The following CDH13 variants were observed in gnomAD, a reference collection of about 807,000 sequenced individuals.
CDH13 encodes the protein cadherin-13.
In CDH13, 24 loss-of-function variants were observed where a neutral mutation model predicts 63.8. The observed-to-expected ratio is 0.38, with a 90% confidence interval of 0.27 to 0.53. The LOEUF is 0.53. Among genes scored for constraint, CDH13 ranks in the 20% least tolerant of loss-of-function variants. CDH13 has a pLI of 0.85. For missense variants in CDH13, 1,049 were observed against 903.1 expected, an observed-to-expected ratio of 1.16 and a Z score of -2.07; for synonymous variants, 503 against 355.3, an observed-to-expected ratio of 1.42 and a Z score of -4.67.
intron 3 of CDH13, among the ~76,000 whole-genome samples, chr16:83,066,750 A>G (rs2032040656): frequency 6.6e-6 from 1 of 152,146 alleles, no homozygotes; most frequent in Non-Finnish European, 1.5e-5. Context: ...TACAAAGAAA[A>G]ATTACTGTCA....
chr16:83,306,840 CTCT>C (rs1054237224), intron 5 of CDH13, among the ~76,000 whole-genome samples: 1 of 152,152 alleles, frequency 6.6e-6, no homozygotes, highest in African/African-American at 2.4e-5. Flanking sequence ...GGAAATTAGA[CTCT>C]TCTTTGGAAA....
At chr16:83,708,760 C>T (rs1040560246) in intron 10 of CDH13, among the ~76,000 whole-genome samples, 1 of 152,212 alleles carries the variant, frequency 6.6e-6, no homozygotes, top group Non-Finnish European at 1.5e-5. Flanking sequence ...CGCGGTGGCT[C>T]ATGCCTGTAA....
At chr16:83,317,972 C>G (rs903149758) in intron 5 of CDH13, among the ~76,000 whole-genome samples, 1 of 152,162 alleles carries the variant, frequency 6.6e-6, no homozygotes, top group African/African-American at 2.4e-5. Context: ...GTGGACTGCA[C>G]TGCTTCTGCT....
chr16:83,110,150 T>G (rs1019374211), intron 3 of CDH13, among the ~76,000 whole-genome samples: 30 of 152,236 alleles, frequency 2.0e-4, no homozygotes, highest in African/African-American at 6.8e-4. Context: ...TAAGTCTCAC[T>G]AGTAGCAGAA....
chr16:83,436,268 T>G (rs1230361176), intron 6 of CDH13, among the ~76,000 whole-genome samples: 1 of 152,202 alleles, frequency 6.6e-6, no homozygotes, highest in Non-Finnish European at 1.5e-5. Context: ...CTGGGGCAAT[T>G]TCGCTACATA....
At chr16:83,142,083 G>A (rs1418449193) in intron 4 of CDH13, among the ~76,000 whole-genome samples, 4 of 151,928 alleles carry the variant, frequency 2.6e-5, no homozygotes, top group Non-Finnish European at 5.9e-5. Flanking sequence ...GGATATAACC[G>A]AAACGGGCTA....
Position 83,703,817 on chromosome 16 carries a change from G to A in CDH13, c.1538+25356G>A, listed in dbSNP as rs149096600. Reference sequence around the variant, plus strand: ...TCTACAGTTCTCTCAGGACTCAAATGCTTGCCTAGACCAACATGCCTCTGA... The same window carrying A: ...TCTACAGTTCTCTCAGGACTCAAATACTTGCCTAGACCAACATGCCTCTGA... On this transcript the variant is annotated intron_variant, in intron 10 of 13. Transcript: ENST00000567109. 1.3e-3 allele frequency among the ~76,000 whole-genome samples: 205 copies of A among 152,268 alleles called. 2 individuals carry two copies. Among genetic ancestry groups the A allele is most frequent in the Middle Eastern group, 3.4e-3 (1 of 294 alleles).
intron 1 of CDH13, among the ~76,000 whole-genome samples, chr16:82,651,357 C>T (rs752597573): frequency 1.3e-5 from 2 of 152,226 alleles, no homozygotes; most frequent in Non-Finnish European, 2.9e-5. Context: ...CATATACCAT[C>T]TTCATTGATC....
intron 2 of CDH13, among the ~76,000 whole-genome samples, chr16:82,935,543 A>G (rs187730846): frequency 6.6e-6 from 1 of 152,350 alleles, no homozygotes; most frequent in Non-Finnish European, 1.5e-5. Context: ...GTTTAAAGAA[A>G]AAAGTAAAAA....
chr16:83,656,302 G>T (rs1199991097), intron 8 of CDH13, among the ~76,000 whole-genome samples: 2 of 152,194 alleles, frequency 1.3e-5, no homozygotes, highest in Non-Finnish European at 2.9e-5. Context: ...TCTTTGCCAA[G>T]AAAAGGGAGA....
At chr16:82,919,726 G>A (rs1339230765) in intron 2 of CDH13, among the ~76,000 whole-genome samples, 1 of 152,170 alleles carries the variant, frequency 6.6e-6, no homozygotes, top group Non-Finnish European at 1.5e-5. Flanking sequence ...GAAACTGGTA[G>A]CAGAACTTAA....
At chr16:82,935,883 T>C (rs1056594639) in intron 2 of CDH13, among the ~76,000 whole-genome samples, 2 of 152,094 alleles carry the variant, frequency 1.3e-5, no homozygotes, top group African/African-American at 4.8e-5. Context: ...GCTTCCTCTA[T>C]AGAGGAAGTG....
intron 11 of CDH13, among the ~76,000 whole-genome samples, chr16:83,760,096 A>G (rs538837852): frequency 2.0e-5 from 3 of 152,352 alleles, no homozygotes; most frequent in Admixed American, 6.5e-5. Context: ...ATAAAGATAT[A>G]TACATTAAAT....
chr16:83,678,273 C>T lies in CDH13; in HGVS notation c.1350C>T (p.Leu450=), dbSNP rs370031597. The T allele has an allele frequency of 2.2e-5, 36 of 1,613,972 alleles. No homozygotes were observed. The African/African-American group carries it at 2.4e-4, about 11-fold the overall frequency. Residue 450 remains leucine, a synonymous_variant, in exon 10 of 14, where the codon CTC becomes CTT. Transcript: ENST00000567109. ...LLIKVENEDP[L]VPDVSYGPSS... ...TCAAAGTGGAAAATGAAGACCCACTCGTACCCGACGTCTCCTACGGCCCCA... is the reference window on the plus strand; with the variant it reads ...TCAAAGTGGAAAATGAAGACCCACTTGTACCCGACGTCTCCTACGGCCCCA...
At chr16:83,033,914 C>G (rs1916611559) in intron 3 of CDH13, among the ~76,000 whole-genome samples, 1 of 152,120 alleles carries the variant, frequency 6.6e-6, no homozygotes, top group African/African-American at 2.4e-5. Flanking sequence ...TTCACAGCCC[C>G]TAATTCACAT....
chr16:82,705,426 C>T (rs1275979341), intron 1 of CDH13, among the ~76,000 whole-genome samples: 4 of 152,168 alleles, frequency 2.6e-5, no homozygotes, highest in Admixed American at 6.5e-5. Flanking sequence ...TCCATATGCA[C>T]GACAACCCGG....
chr16:82,638,856 G>A (rs1909031525), intron 1 of CDH13, among the ~76,000 whole-genome samples: 1 of 152,228 alleles, frequency 6.6e-6, no homozygotes, highest in African/African-American at 2.4e-5. Context: ...GCACGCACCA[G>A]TGCCATGAGT....
intron 4 of CDH13, among the ~76,000 whole-genome samples, chr16:83,126,594 G>A (rs1466288183): frequency 1.3e-5 from 2 of 152,164 alleles, no homozygotes; most frequent in South Asian, 2.1e-4. Flanking sequence ...AATGGGAGAA[G>A]TTGTTTATAG....
At chr16:83,112,660 A>T (rs2035113126) in intron 3 of CDH13, among the ~76,000 whole-genome samples, 2 of 152,144 alleles carry the variant, frequency 1.3e-5, no homozygotes. Context: ...TATTTTGATT[A>T]TTTCTCTGCA....
Sources: allele counts gnomAD v4.1 joint callset (sites outside exome capture counted in the v4.1 genomes callset), GRCh38; gene constraint gnomAD v4.1.1; transcripts MANE v1.5; gene names NCBI Gene and HGNC (gene_info 2026-07-23, HGNC 2026-07-21).